Variants in CAMK2D observed in about 807,000 individuals in gnomAD.
CAMK2D encodes calcium/calmodulin dependent protein kinase II delta.
Under a neutral mutation model 84.0 loss-of-function variants are expected in CAMK2D, and 37 were observed. The observed-to-expected ratio is 0.44, with a 90% CI of 0.34 to 0.58. CAMK2D has a LOEUF of 0.58. Ranked by LOEUF, CAMK2D falls within the 20% of genes least tolerant of loss-of-function variation. The probability of loss-of-function intolerance (pLI) is 0.02; values close to 1 mark genes in which losing one functional copy is unlikely to be tolerated. For synonymous variants in CAMK2D, 202 were observed against 212.5 expected (o/e 0.95, Z 0.43); for missense variants, 448 against 652.5 (o/e 0.69, Z 3.41).
chr4:113,514,304 T>C (rs1282918811), intron 10 of CAMK2D, among the ~76,000 whole-genome samples: 1 of 152,054 alleles, frequency 6.6e-6, no homozygotes, highest in East Asian at 1.9e-4. Flanking sequence ...TCCCAGCTAC[T>C]CGGGAGGCTG....
At chr4:113,753,126 C>A (rs1431681163) in intron 2 of CAMK2D, among the ~76,000 whole-genome samples, 1 of 151,932 alleles carries the variant, frequency 6.6e-6, no homozygotes, top group Non-Finnish European at 1.5e-5. Flanking sequence ...AATTTTGAGG[C>A]CTTATACAAG....
chr4:113,716,126 T>A (rs550174313), intron 2 of CAMK2D, among the ~76,000 whole-genome samples: 155 of 152,250 alleles, frequency 1.0e-3, no homozygotes, highest in African/African-American at 3.7e-3. Context: ...TTTTCTAAGA[T>A]TCACAGATAT....
At chr4:113,594,838 T>C (rs1259224753) in intron 4 of CAMK2D, among the ~76,000 whole-genome samples, 2 of 152,116 alleles carry the variant, frequency 1.3e-5, no homozygotes, top group Non-Finnish European at 2.9e-5. Context: ...ATTTGTGTAA[T>C]GGGAATAGTG....
chr4:113,564,612 T>C (rs932224760), intron 4 of CAMK2D, among the ~76,000 whole-genome samples: 1 of 152,104 alleles, frequency 6.6e-6, no homozygotes, highest in African/African-American at 2.4e-5. Context: ...CCCTTGAACC[T>C]AACATGAGCC....
chr4:113,704,150 C>T (rs992271667), intron 2 of CAMK2D, among the ~76,000 whole-genome samples: 1 of 151,852 alleles, frequency 6.6e-6, no homozygotes, highest in Non-Finnish European at 1.5e-5. Flanking sequence ...AGAGGAATAC[C>T]AAGTGAAATT....
chr4:113,641,144 T>C (rs1003123810), intron 3 of CAMK2D, among the ~76,000 whole-genome samples: 1 of 152,218 alleles, frequency 6.6e-6, no homozygotes, highest in Non-Finnish European at 1.5e-5. Context: ...CACCTTCTAG[T>C]GCTTTATTTA....
chr4:113,466,811 C>A (rs1008948140), intron 16 of CAMK2D, among the ~76,000 whole-genome samples: 14 of 152,200 alleles, frequency 9.2e-5, no homozygotes, highest in African/African-American at 3.4e-4. Context: ...ATCTGTATCA[C>A]TCGGCAATTA....
intron 3 of CAMK2D, among the ~76,000 whole-genome samples, chr4:113,628,177 G>C (rs962873133): frequency 6.6e-6 from 1 of 152,072 alleles, no homozygotes; most frequent in African/African-American, 2.4e-5. Flanking sequence ...TTTGCATTTT[G>C]TAGATACGAC....
At chr4:113,467,903 C>A (rs1178833377) in intron 16 of CAMK2D, among the ~76,000 whole-genome samples, 1 of 151,884 alleles carries the variant, frequency 6.6e-6, no homozygotes, top group African/African-American at 2.4e-5. Context: ...AAAAATGTGG[C>A]CACCAAAACT....
chr4:113,552,734 G>T (rs572484869), intron 4 of CAMK2D, among the ~76,000 whole-genome samples: 1 of 152,164 alleles, frequency 6.6e-6, no homozygotes, highest in South Asian at 2.1e-4. Flanking sequence ...GTGCACACAC[G>T]TGTATGTGCA....
chr4:113,567,683 C>A (rs1004138734), intron 4 of CAMK2D, among the ~76,000 whole-genome samples: 3 of 152,162 alleles, frequency 2.0e-5, no homozygotes, highest in Non-Finnish European at 4.4e-5. Context: ...GAACAACTGT[C>A]TTTGATACTT....
rs193059864 is a variant in CAMK2D, at chr4:113,683,466, T to C, written c.161-21694A>G. On this transcript the variant is annotated intron_variant, in intron 2 of 20. Transcript: ENST00000511664. The stretch of plus-strand genomic sequence containing the variant: ...AGAGCACATGACACTTAAGGGCAAA[T>C]AAACACCACCATACAATGAAAGAAG... Among the ~76,000 whole-genome samples the C allele has an allele frequency of 3.8e-3, 576 of 152,168 alleles. 8 individuals carry two copies. The highest frequency in any genetic ancestry group is 0.012 in the African/African-American group (518 of 41,502).
At chr4:113,713,849 T>C (rs985612626) in intron 2 of CAMK2D, among the ~76,000 whole-genome samples, 6 of 151,820 alleles carry the variant, frequency 4.0e-5, no homozygotes, top group Non-Finnish European at 5.9e-5. Flanking sequence ...TATTTACATG[T>C]AGCATATTCT....
chr4:113,643,595 A>G (rs1211293059), intron 3 of CAMK2D, among the ~76,000 whole-genome samples: 2 of 152,246 alleles, frequency 1.3e-5, no homozygotes, highest in African/African-American at 4.8e-5. Context: ...ATTGTTCTCT[A>G]TTTTGGCAGC....
intron 4 of CAMK2D, among the ~76,000 whole-genome samples, chr4:113,574,238 C>T (rs2098769254): frequency 6.6e-6 from 1 of 152,160 alleles, no homozygotes; most frequent in African/African-American, 2.4e-5. Context: ...CCGTGTCTCA[C>T]ATAAATTACT....
intron 3 of CAMK2D, among the ~76,000 whole-genome samples, chr4:113,645,362 T>C (rs2099147736): frequency 6.6e-6 from 1 of 152,184 alleles, no homozygotes; most frequent in Non-Finnish European, 1.5e-5. Context: ...ATTCAGATTT[T>C]AGTGTCCATA....
chr4:113,523,048 G>T (rs1427516655), intron 8 of CAMK2D, among the ~76,000 whole-genome samples: 3 of 152,158 alleles, frequency 2.0e-5, no homozygotes, highest in African/African-American at 7.2e-5. Context: ...TACCATGTGA[G>T]GATACAACAA....
chr4:113,502,385 A>AAACAACAAC (rs139759722), intron 15 of CAMK2D, among the ~76,000 whole-genome samples: 2 of 150,388 alleles, frequency 1.3e-5, no homozygotes, highest in Admixed American at 6.6e-5. Context: ...AATTCATGCC[A>AAACAACAAC]AACAACAACA....
At chr4:113,518,472 A>C (rs544238183) in intron 8 of CAMK2D, among the ~76,000 whole-genome samples, 1 of 152,282 alleles carries the variant, frequency 6.6e-6, no homozygotes, top group South Asian at 2.1e-4. Flanking sequence ...CTGCAGTCTA[A>C]ATGTCTGAGA....
Sources: gnomAD v4.1 joint callset for allele counts (sites outside exome capture counted in the v4.1 genomes callset) on GRCh38, gnomAD v4.1.1 for gene constraint, MANE v1.5 for transcripts, NCBI Gene and HGNC (gene_info 2026-07-23, HGNC 2026-07-21) for gene names.